The following KCNMB2 variants were observed in gnomAD, a reference collection of about 807,000 sequenced individuals.
The protein encoded by KCNMB2 is potassium calcium-activated channel subfamily M regulatory beta subunit 2.
A neutral mutation model predicts 24.5 loss-of-function variants in KCNMB2; 9 were observed. The ratio of observed to expected loss-of-function variants is 0.37; its 90% confidence interval spans 0.22 to 0.64. The LOEUF is 0.64. KCNMB2 is among the 30% of genes least tolerant of loss of function. The pLI is 0.63. For missense variants in KCNMB2, 226 were observed against 284.3 expected, an observed-to-expected ratio of 0.79 and a Z score of 1.47; for synonymous variants, 109 against 104.4, an observed-to-expected ratio of 1.04 and a Z score of -0.27.
At chr3:178,684,223 A>T (rs1481796737) in intron 1 of KCNMB2, among the ~76,000 whole-genome samples, 1 of 151,792 alleles carries the variant, frequency 6.6e-6, no homozygotes, top group Non-Finnish European at 1.5e-5. Flanking sequence ...GGAGGACGTT[A>T]TGCTAAGTGA....
intron 2 of KCNMB2, among the ~76,000 whole-genome samples, chr3:178,813,336 A>C (rs1288415281): frequency 6.6e-6 from 1 of 152,156 alleles, no homozygotes; most frequent in African/African-American, 2.4e-5. Context: ...ATCAATCATG[A>C]TATCATTTTG....
chr3:178,714,275 G>A (rs1391619740), intron 1 of KCNMB2, among the ~76,000 whole-genome samples: 2 of 152,078 alleles, frequency 1.3e-5, no homozygotes, highest in African/African-American at 4.8e-5. Flanking sequence ...TATGCATTCG[G>A]TCCTATGCTA....
intron 1 of KCNMB2, among the ~76,000 whole-genome samples, chr3:178,769,237 A>T (rs900755028): frequency 2.0e-5 from 3 of 152,240 alleles, no homozygotes; most frequent in Non-Finnish European, 4.4e-5. Flanking sequence ...CCATTAAAGT[A>T]TATATGGTGT....
chr3:178,698,363 A>G (rs943646938), intron 1 of KCNMB2, among the ~76,000 whole-genome samples: 27 of 152,084 alleles, frequency 1.8e-4, no homozygotes, highest in African/African-American at 6.3e-4. Flanking sequence ...CTTATTTCAG[A>G]AAGCCAATCT....
intron 1 of KCNMB2, among the ~76,000 whole-genome samples, chr3:178,579,302 G>C (rs1444835628): frequency 6.6e-6 from 1 of 152,030 alleles, no homozygotes; most frequent in Non-Finnish European, 1.5e-5. Context: ...GCAAAAATAA[G>C]TAAGTTCTTT....
intron 1 of KCNMB2, among the ~76,000 whole-genome samples, chr3:178,759,747 G>GATAT (rs1421935261): frequency 7.0e-5 from 1 of 14,238 alleles, no homozygotes; most frequent in Non-Finnish European, 1.0e-4. Flanking sequence ...TATCCAAGAG[G>GATAT]ATATATCTAT....
At chr3:178,676,916 TC>T (rs1721089490) in intron 1 of KCNMB2, among the ~76,000 whole-genome samples, 1 of 152,068 alleles carries the variant, frequency 6.6e-6, no homozygotes, top group Non-Finnish European at 1.5e-5. Context: ...GAAGGCCTAA[TC>T]CCCGTGTCAG....
At chr3:178,762,738 T>C (rs1711958061) in intron 1 of KCNMB2, among the ~76,000 whole-genome samples, 2 of 151,806 alleles carry the variant, frequency 1.3e-5, no homozygotes, top group South Asian at 2.1e-4. Context: ...CAACAGAGCA[T>C]GGACATTTCT....
intron 1 of KCNMB2, among the ~76,000 whole-genome samples, chr3:178,686,828 G>A (rs1327959258): frequency 1.3e-5 from 2 of 151,778 alleles, no homozygotes; most frequent in East Asian, 3.9e-4. Context: ...GTGGTATCTG[G>A]ACAAACTGTC....
At chr3:178,577,348 C>G (rs1361035044) in intron 1 of KCNMB2, among the ~76,000 whole-genome samples, 1 of 152,104 alleles carries the variant, frequency 6.6e-6, no homozygotes, top group East Asian at 1.9e-4. Flanking sequence ...ACATCCACAC[C>G]AAAACCCCAT....
At chr3:178,812,223 A>C (rs1714220425) in intron 2 of KCNMB2, among the ~76,000 whole-genome samples, 1 of 152,114 alleles carries the variant, frequency 6.6e-6, no homozygotes, top group East Asian at 1.9e-4. Context: ...TGATAAATAT[A>C]TTAATATGTT....
intron 1 of KCNMB2, among the ~76,000 whole-genome samples, chr3:178,615,088 C>T (rs190870977): frequency 6.6e-6 from 1 of 152,330 alleles, no homozygotes; most frequent in South Asian, 2.1e-4. Context: ...GACAGAAACT[C>T]CTGTTTCTCC....
intron 1 of KCNMB2, among the ~76,000 whole-genome samples, chr3:178,782,936 A>T (rs972069721): frequency 6.1e-4 from 92 of 151,332 alleles, no homozygotes; most frequent in African/African-American, 2.1e-3. Context: ...TCTAACATTT[A>T]AGTCTTTAAT....
chr3:178,691,388 C>T (rs1010917666), intron 1 of KCNMB2, among the ~76,000 whole-genome samples: 1 of 151,090 alleles, frequency 6.6e-6, no homozygotes, highest in African/African-American at 2.4e-5. Flanking sequence ...TTATTTTTCC[C>T]AATTATCTGC....
At chr3:178,565,594 T>A (rs140754106) in intron 1 of KCNMB2, among the ~76,000 whole-genome samples, 29 of 152,378 alleles carry the variant, frequency 1.9e-4, no homozygotes, top group Non-Finnish European at 3.2e-4. Flanking sequence ...CACATGAGTT[T>A]GTTTTTCTAA....
At chr3:178,672,520 A>G (rs528099864) in intron 1 of KCNMB2, among the ~76,000 whole-genome samples, 1 of 152,342 alleles carries the variant, frequency 6.6e-6, no homozygotes, top group South Asian at 2.1e-4. Context: ...GGATAAAGAA[A>G]GCAGATTAAA....
At chr3:178,709,166 T>C (rs1418261515) in intron 1 of KCNMB2, among the ~76,000 whole-genome samples, 1 of 152,164 alleles carries the variant, frequency 6.6e-6, no homozygotes, top group African/African-American at 2.4e-5. Flanking sequence ...AATGAAAACG[T>C]TGTCTCCACT....
intron 1 of KCNMB2, among the ~76,000 whole-genome samples, chr3:178,687,834 G>T (rs1380769968): frequency 1.3e-5 from 2 of 152,048 alleles, no homozygotes; most frequent in Non-Finnish European, 2.9e-5. Context: ...TTTGGAAATA[G>T]AATATTTCTG....
chr3:178,775,488 A>G (rs1172795787), intron 1 of KCNMB2, among the ~76,000 whole-genome samples: 2 of 152,246 alleles, frequency 1.3e-5, no homozygotes, highest in Non-Finnish European at 2.9e-5. Flanking sequence ...AATTTTAACT[A>G]TCTTTTTACT....
Sources: gnomAD v4.1 joint callset for allele counts (sites outside exome capture counted in the v4.1 genomes callset) on GRCh38, gnomAD v4.1.1 for gene constraint, MANE v1.5 for transcripts, NCBI Gene and HGNC (gene_info 2026-07-23, HGNC 2026-07-21) for gene names.